PIP5KL1: variants seen among roughly 807,000 people sequenced by gnomAD.
PIP5KL1 encodes phosphatidylinositol-4-phosphate 5-kinase like 1, also known as phosphatidylinositol 4-phosphate 5-kinase-like protein 1.
In PIP5KL1, 45 loss-of-function variants were observed where a neutral mutation model predicts 47.6. The ratio of observed to expected loss-of-function variants is 0.94; its 90% confidence interval spans 0.74 to 1.21. The LOEUF (loss-of-function observed/expected upper bound fraction) is 1.21. PIP5KL1 is among the 50% of genes most tolerant of loss of function. The pLI is 0.00. For missense variants in PIP5KL1, 577 were observed against 547.6 expected (o/e 1.05, Z -0.54); for synonymous variants, 256 against 234.6 (o/e 1.09, Z -0.84).
rs1831280582 is a variant in PIP5KL1, at chr9:127,921,595, A to G, written c.*252T>C. The G allele has an allele frequency of 3.8e-6, 2 of 527,600 alleles. No homozygotes were observed. The highest frequency in any genetic ancestry group is 6.7e-6 in the Non-Finnish European group (2 of 297,936). The allele number at this position is 527,600 out of a possible 1,614,324, so 32.7% of individuals were successfully genotyped here. On this transcript the variant is annotated 3_prime_UTR_variant, in exon 10 of 10. Transcript: ENST00000388747. ...CAGTCCCTTCACCCCCTGAGCCTCC[A>G]TTTCATGGTCTGTAAAAAGAGAATA...
intron 1 of PIP5KL1, 76 bp downstream of exon 1, chr9:127,930,647 G>A: frequency 2.8e-6 from 4 of 1,437,836 alleles, no homozygotes; most frequent in Non-Finnish European, 2.8e-6. Flanking sequence ...GCGTGTCCGC[G>A]CCGCTCGCCG....
chr9:127,927,816 G>A lies in PIP5KL1; in HGVS notation c.435-44C>T. On this transcript the variant is annotated intron_variant, in intron 4 of 9. Transcript: ENST00000388747. The surrounding 1 kb of genome is among the most constrained non-coding windows in gnomAD (Gnocchi z 5.5). ...AGGTCACTGCCCAGGCCTGGCTGGA[G>A]CGGCTCCCACCCGGCCCCCTTCCCC... is the stretch of plus-strand genomic sequence containing the variant. 2 of 1,536,410 alleles carry A rather than the reference G, an allele frequency of 1.3e-6. No homozygotes were observed. The highest frequency in any genetic ancestry group is 1.7e-6 in the Non-Finnish European group (2 of 1,144,492).
At chr9:127,928,263 CG>C (rs1831392514) in intron 3 of PIP5KL1, 44 bp from the exon 4 acceptor site, 1 of 1,528,554 alleles carries the variant, frequency 6.5e-7, no homozygotes, top group African/African-American at 1.4e-5. Flanking sequence ...TGCGTGGGCC[CG>C]GGTGTGTGCA....
rs1831422291 is a variant in PIP5KL1 at position 127,930,661 on chromosome 9, G to A, written c.30+62C>T. 3.4e-6 allele frequency: 5 copies of A among 1,465,972 alleles called. No individual in the cohort carries two copies. In the South Asian group the frequency reaches 5.3e-5, roughly 16 times the overall value. 90.8% of individuals were successfully genotyped at this position (1,465,972 alleles called of 1,614,324 possible). On this transcript the variant is annotated intron_variant, in intron 1 of 9. Coordinates refer to ENST00000388747, the MANE Select transcript of PIP5KL1 (RefSeq NM_001135219.2). ...GGCGTGTCCGCGCCGCTCGCCGAGG[G>A]GAGGCCCGGCCCCTGCCCACCAACC... is the stretch of plus-strand genomic sequence containing the variant.
chr9:127,925,066 T>G (rs767073271), intron 9 of PIP5KL1, 41 bp downstream of exon 9: 7 of 1,608,740 alleles, frequency 4.4e-6, no homozygotes, highest in Non-Finnish European at 5.1e-6. Context: ...TCCCTTACTC[T>G]CACCACCTCA....
intron 1 of PIP5KL1, among the ~76,000 whole-genome samples, chr9:127,930,307 G>A (rs1252743930): frequency 6.6e-6 from 1 of 152,302 alleles, no homozygotes; most frequent in East Asian, 1.9e-4. Context: ...TTGATAGTAG[G>A]AGCTGTGATG....
Position 127,925,259 on chromosome 9 carries a change from C to G in PIP5KL1, c.765G>C (p.Gly255=). Reference sequence around the variant, plus strand: ...GGCGGAGGAACCAGCTCCGCTGGGGCCCTGCCGGAGCATCAGTGCCCCCAC... The same window carrying G: ...GGCGGAGGAACCAGCTCCGCTGGGGGCCTGCCGGAGCATCAGTGCCCCCAC... ...LNFQGKTINL[G]PQRSWFLRQM... is the part of the protein sequence containing the mutation. Residue 255 remains glycine (G), a splice_region_variant and synonymous_variant, in exon 9 of 10, where the codon GGG becomes GGC. Coordinates refer to ENST00000388747, the MANE Select transcript of PIP5KL1 (RefSeq NM_001135219.2). The G allele has an allele frequency of 2.5e-6, 4 of 1,611,916 alleles. No homozygotes were observed. Among genetic ancestry groups the G allele is most frequent in the Non-Finnish European group, 3.4e-6 (4 of 1,179,954 alleles).
Position 127,927,867 on chromosome 9 carries a change from C to G in PIP5KL1, c.435-95G>C. On this transcript the variant is annotated intron_variant, in intron 4 of 9. Transcript: ENST00000388747. The surrounding 1 kb of genome is among the most constrained non-coding windows in gnomAD (Gnocchi z 5.5). ...GACCTGTGCACGTGGATCTCGCTCC[C>G]AGGTCTCGGCACCGCCTCTCTCGCC... 3 of 1,500,672 alleles carry G rather than the reference C, an allele frequency of 2.0e-6. No homozygotes were observed. Among genetic ancestry groups the G allele is most frequent in the South Asian group, 1.3e-5 (1 of 78,766 alleles). 93.0% of individuals were successfully genotyped at this position (1,500,672 alleles called of 1,614,324 possible).
At position 127,927,187 on chromosome 9, in the gene PIP5KL1, T is replaced by C. The variant is rs1831374579; in HGVS notation, c.616A>G (p.Ser206Gly). Residue 206 changes from serine (S) to glycine (G), a missense_variant, in exon 7 of 10, where the codon AGC (serine) becomes GGC (glycine). Coordinates refer to ENST00000388747, the MANE Select transcript of PIP5KL1 (RefSeq NM_001135219.2). This position sits in a 1 kb window ranked among gnomAD's most constrained non-coding sequence, Gnocchi z 5.5. ...ATGCGGCCGGCGGGGTAGAAGACGC[T>C]CTGCATGACGATGAAGTACGTCTGG... ...GKKTYFIVMQ[S>G]VFYPAGRISE... 6.2e-7 allele frequency: 1 copy of C among 1,612,598 alleles called. No homozygotes were observed. The highest frequency in any genetic ancestry group is 8.5e-7 in the Non-Finnish European group (1 of 1,179,352).
Position 127,927,145 on chromosome 9 carries a change from C to A in PIP5KL1, c.650+8G>T, listed in dbSNP as rs1234898367. 2 of 1,607,874 alleles carry A rather than the reference C, an allele frequency of 1.2e-6. No homozygotes were observed. Among genetic ancestry groups the A allele is most frequent in the African/African-American group, 2.7e-5 (2 of 74,930 alleles). ...GGATGGGGGCCCAAACCTGCTTAGG[C>A]CACTCACCTCTCGGAGATGCGGCCG... On this transcript the variant is annotated splice_region_variant and intron_variant, in intron 7 of 9. Transcript: ENST00000388747. The surrounding 1 kb of genome is among the most constrained non-coding windows in gnomAD (Gnocchi z 5.5).
At position 127,929,286 on chromosome 9, in the gene PIP5KL1, G is replaced by T. The variant is rs1831406000; in HGVS notation, c.228+402C>A. ...GAGCTTGCAGTTGGGCCACCTTTCT[G>T]CTGAGCCAGCCCTGCCTCAGCCTGA... On this transcript the variant is annotated intron_variant, in intron 2 of 9. Transcript: ENST00000388747. The surrounding 1 kb of genome is among the most constrained non-coding windows in gnomAD (Gnocchi z 4.0). 1.3e-5 allele frequency among the ~76,000 whole-genome samples: 2 copies of T among 152,114 alleles called. No individual in the cohort carries two copies. Among genetic ancestry groups the T allele is most frequent in the African/African-American group, 4.8e-5 (2 of 41,422 alleles).
rs779974486 is a variant in PIP5KL1, at chr9:127,927,662, A to G, written c.545T>C (p.Leu182Pro). The G allele has an allele frequency of 6.8e-6, 10 of 1,479,120 alleles. No homozygotes were observed. The South Asian group carries it at 1.2e-4, about 18-fold the overall frequency. The allele number at this position is 1,479,120 out of a possible 1,614,324, so 91.6% of individuals were successfully genotyped here. A position where few individuals can be genotyped will look rare whatever the true frequency, so the allele number is the denominator to read the frequency against. Residue 182 changes from leucine (L) to proline (P), a missense_variant, in exon 5 of 10, where the codon CTG becomes CCG. By Grantham distance (98) the Leu-to-Pro change is moderately conservative. Transcript: ENST00000388747. This position sits in a 1 kb window ranked among gnomAD's most constrained non-coding sequence, Gnocchi z 5.5. The part of the protein sequence containing the change: ...QHLQRHPHSL[L>P]ARLLGVHSLR... ...CAGCCAAGTACCCAGCAACCGCGCC[A>G]GCAGCGAGTGCGGGTGCCGCTGCAG... is the stretch of plus-strand genomic sequence containing the variant.
chr9:127,926,860 A>T (rs916196250), intron 7 of PIP5KL1, among the ~76,000 whole-genome samples: 2 of 152,208 alleles, frequency 1.3e-5, no homozygotes, highest in Non-Finnish European at 2.9e-5. Context: ...CCCACATGTT[A>T]GCTGTGTGGC....
At chr9:127,923,695 G>A (rs902790096) in intron 9 of PIP5KL1, among the ~76,000 whole-genome samples, 3 of 152,232 alleles carry the variant, frequency 2.0e-5, no homozygotes, top group Admixed American at 2.0e-4. Flanking sequence ...GAACGAGGCA[G>A]GGGACAGGAG....
chr9:127,928,609 G>T, intron 2 of PIP5KL1, 126 bp from the exon 3 acceptor site: 1 of 1,071,944 alleles, frequency 9.3e-7, no homozygotes, highest in Non-Finnish European at 1.3e-6. Flanking sequence ...AGCAAACCGG[G>T]ACCGGAGTTT....
intron 9 of PIP5KL1, 59 bp from the exon 10 acceptor site, chr9:127,922,173 C>T: frequency 3.5e-6 from 5 of 1,441,314 alleles, no homozygotes; most frequent in Non-Finnish European, 4.6e-6. Flanking sequence ...AGCCAGTCGG[C>T]TCTGCAAGCC....
At position 127,927,920 on chromosome 9, in the gene PIP5KL1, G is replaced by A. The variant is rs1432682763; in HGVS notation, c.434+145C>T. 2 of 1,460,904 alleles carry A rather than the reference G, an allele frequency of 1.4e-6. No individual in the cohort carries two copies. The highest frequency in any genetic ancestry group is 1.8e-6 in the Non-Finnish European group (2 of 1,098,168). The allele number at this position is 1,460,904 out of a possible 1,614,324, so 90.5% of individuals were successfully genotyped here. On this transcript the variant is annotated intron_variant, in intron 4 of 9. Coordinates refer to ENST00000388747, the MANE Select transcript of PIP5KL1 (RefSeq NM_001135219.2). The surrounding 1 kb of genome is among the most constrained non-coding windows in gnomAD (Gnocchi z 5.5). Reference sequence around the variant, plus strand: ...CGGCCCTCGCCCTCCTCTCCTCCCCGATCTGTCCACCATCCGGCCCTGACC... The same window carrying A: ...CGGCCCTCGCCCTCCTCTCCTCCCCAATCTGTCCACCATCCGGCCCTGACC...
At position 127,921,829 on chromosome 9, in the gene PIP5KL1, A is replaced by T; in HGVS notation, c.*18T>A. On this transcript the variant is annotated 3_prime_UTR_variant, in exon 10 of 10. Transcript: ENST00000388747. ...GTGAGCCCATCGTCCAGATCCGGAGAGTGGGGCCGGGCGCCCGTCACTCCG... is the reference window on the plus strand; with the variant it reads ...GTGAGCCCATCGTCCAGATCCGGAGTGTGGGGCCGGGCGCCCGTCACTCCG... 1 of 1,564,586 alleles carries T rather than the reference A, an allele frequency of 6.4e-7. No homozygotes were observed. The highest frequency in any genetic ancestry group is 8.6e-7 in the Non-Finnish European group (1 of 1,161,052).
intron 9 of PIP5KL1, among the ~76,000 whole-genome samples, chr9:127,924,025 A>G: frequency 6.6e-6 from 1 of 152,266 alleles, no homozygotes; most frequent in East Asian, 1.9e-4. Context: ...TGATGACGTC[A>G]GCGTCCTGGA....
Sources: allele counts gnomAD v4.1 joint callset (sites outside exome capture counted in the v4.1 genomes callset), GRCh38; gene constraint gnomAD v4.1.1; non-coding constraint Gnocchi (gnomAD v3.1); transcripts MANE v1.5; gene names NCBI Gene and HGNC (gene_info 2026-07-23, HGNC 2026-07-21).